ADH1A: variants seen among roughly 807,000 people sequenced by gnomAD.
The protein encoded by ADH1A is alcohol dehydrogenase 1A (class I), alpha polypeptide.
In ADH1A, 29 loss-of-function variants were observed where a neutral mutation model predicts 35.2. The ratio of observed to expected loss-of-function variants is 0.82; its 90% CI spans 0.61 to 1.12. ADH1A has a LOEUF of 1.12. Ranked by LOEUF, ADH1A falls within the 50% of genes most tolerant of loss-of-function variation. The pLI is 0.00. For missense variants in ADH1A, 469 were observed against 464.7 expected, an observed-to-expected ratio of 1.01 and a Z score of -0.09; for synonymous variants, 147 against 164.8, an observed-to-expected ratio of 0.89 and a Z score of 0.83.
In ADH1A at chr4:99,287,635, C is replaced by G; in HGVS notation, c.49G>C (p.Glu17Gln). 6.2e-7 allele frequency: 1 copy of G among 1,613,934 alleles called. No homozygotes were observed. The highest frequency in any genetic ancestry group is 8.5e-7 in the Non-Finnish European group (1 of 1,179,902). The change falls in exon 2 of 9, where the codon GAG becomes CAG. Residue 17 changes from glutamate (E) to glutamine (Q), a missense_variant. By Grantham distance (29) the Glu-to-Gln change is conservative. Coordinates refer to ENST00000209668, the MANE Select transcript of ADH1A (RefSeq NM_000667.4). Reference sequence around the variant, plus strand: ...TCAATGGAAAAGGGTTTCTTTAACTCCCATAGCACAGCTGCTTTGCATTTG... The same window carrying G: ...TCAATGGAAAAGGGTTTCTTTAACTGCCATAGCACAGCTGCTTTGCATTTG... ...VIKCKAAVLW[E>Q]LKKPFSIEEV...
chr4:99,285,236 G>C (rs1353030731), intron 3 of ADH1A, among the ~76,000 whole-genome samples: 3 of 152,104 alleles, frequency 2.0e-5, no homozygotes, highest in African/African-American at 7.2e-5. Flanking sequence ...GTTATAGTTT[G>C]ATTTACAATA....
At position 99,276,613 on chromosome 4, in the gene ADH1A, T is replaced by G. The variant is rs1177254817; in HGVS notation, c.*11A>C. 1.2e-6 allele frequency: 2 copies of G among 1,610,756 alleles called. No homozygotes were observed. The highest frequency in any genetic ancestry group is 3.3e-5 in the Admixed American group (2 of 59,986). ...CTGAAGACTGCCACAAGGGAAAACATCTGTATTGTCTCAAAACATCAGAAT... is the reference window on the plus strand; with the variant it reads ...CTGAAGACTGCCACAAGGGAAAACAGCTGTATTGTCTCAAAACATCAGAAT... On this transcript the variant is annotated 3_prime_UTR_variant, in exon 9 of 9. Coordinates refer to ENST00000209668, the MANE Select transcript of ADH1A (RefSeq NM_000667.4).
intron 5 of ADH1A, among the ~76,000 whole-genome samples, chr4:99,283,916 C>T (rs1733068205): frequency 6.6e-6 from 1 of 152,092 alleles, no homozygotes; most frequent in Admixed American, 6.6e-5. Flanking sequence ...AGTGGGTGAG[C>T]CTTGGTTTGG....
At chr4:99,285,184 G>A (rs1278200223) in intron 3 of ADH1A, among the ~76,000 whole-genome samples, 1 of 152,138 alleles carries the variant, frequency 6.6e-6, no homozygotes, top group Non-Finnish European at 1.5e-5. Flanking sequence ...GTTGAAAGTA[G>A]GGTATAATAG....
chr4:99,282,252 A>T (rs756620134), intron 6 of ADH1A, 94 bp downstream of exon 6: 19 of 1,611,124 alleles, frequency 1.2e-5, no homozygotes, highest in Non-Finnish European at 1.5e-5. Flanking sequence ...TCATCATTAA[A>T]AATATCCTTT....
At chr4:99,282,059 C>T (rs1733018864) in intron 6 of ADH1A, 1 of 474,370 alleles carries the variant, frequency 2.1e-6, no homozygotes. Flanking sequence ...CTTTAACTTA[C>T]AGTTTTTAAC....
chr4:99,283,339 AAGATGC>A (rs1313411013), intron 5 of ADH1A, among the ~76,000 whole-genome samples: 1 of 152,196 alleles, frequency 6.6e-6, no homozygotes, highest in African/African-American at 2.4e-5. Context: ...AAATTTGGAA[AAGATGC>A]CATCTACATT....
chr4:99,276,796 A>G (rs1732878946), intron 8 of ADH1A, 148 bp from the exon 9 acceptor site: 1 of 716,384 alleles, frequency 1.4e-6, no homozygotes, highest in East Asian at 2.8e-5. Flanking sequence ...AGTGAAGTCA[A>G]AGGAAAGCTC....
chr4:99,282,145 G>T, intron 6 of ADH1A: 1 of 964,580 alleles, frequency 1.0e-6, no homozygotes, highest in Non-Finnish European at 1.5e-6. Context: ...GAGGAAATAT[G>T]ACTTGAGACA....
chr4:99,282,768 GTGGTTCTCAAACTGCTGCATAT>G (rs1331815218), intron 5 of ADH1A, among the ~76,000 whole-genome samples, 162 bp from the exon 6 acceptor site: 2 of 152,166 alleles, frequency 1.3e-5, no homozygotes, highest in Non-Finnish European at 2.9e-5. Context: ...AACTAGTTGA[GTGGTTCTCAAACTGCTGCATAT>G]TGGATTCATC....
intron 8 of ADH1A, among the ~76,000 whole-genome samples, chr4:99,278,004 A>C (rs1027871568): frequency 4.6e-5 from 7 of 152,122 alleles, no homozygotes; most frequent in African/African-American, 1.7e-4. Flanking sequence ...TACTACTGAA[A>C]GTACATGAAA....
intron 1 of ADH1A, 139 bp from the exon 2 acceptor site, chr4:99,287,804 G>A: frequency 1.3e-6 from 1 of 788,568 alleles, no homozygotes; most frequent in Non-Finnish European, 1.9e-6. Flanking sequence ...GATCACCTCT[G>A]ATTTATAAAG....
Position 99,284,532 on chromosome 4 carries a change from C to T in ADH1A, c.434G>A (p.Ser145Asn). 6.2e-7 allele frequency: 1 copy of T among 1,614,202 alleles called. No individual in the cohort carries two copies. Among genetic ancestry groups the T allele is most frequent in the Non-Finnish European group, 8.5e-7 (1 of 1,180,042 alleles). The stretch of plus-strand genomic sequence containing the variant: ...CACCACTGTGTACTGTGAGAAGGTG[C>T]TGATGCCAAGGAAGTGGTGGATGGG... ...RKPIHHFLGISTFSQYTVVDE... is the reference protein window; with the variant it reads ...RKPIHHFLGINTFSQYTVVDE... Residue 145 changes from serine (S) to asparagine (N), a missense_variant, in exon 5 of 9, where the codon AGC becomes AAC. Coordinates refer to ENST00000209668, the MANE Select transcript of ADH1A (RefSeq NM_000667.4).
intron 3 of ADH1A, 164 bp downstream of exon 3, chr4:99,286,686 G>C: frequency 8.3e-7 from 1 of 1,201,196 alleles, no homozygotes; most frequent in Non-Finnish European, 1.2e-6. Context: ...AGACATACAT[G>C]CTTGAGTCAG....
At chr4:99,282,169 G>T in intron 6 of ADH1A, 177 bp downstream of exon 6, 1 of 1,238,000 alleles carries the variant, frequency 8.1e-7, no homozygotes, top group Non-Finnish European at 1.1e-6. Context: ...TTGCATAGTT[G>T]ATAGAATAAA....
At chr4:99,288,633 ATTAT>A (rs1733216108) in intron 1 of ADH1A, 1 of 152,154 alleles carries the variant, frequency 6.6e-6, no homozygotes, top group Non-Finnish European at 1.5e-5. Context: ...ATTCGTTGTC[ATTAT>A]TTATTTGTCA....
chr4:99,290,302 TTGCC>T (rs1733261634), intron 1 of ADH1A, among the ~76,000 whole-genome samples: 1 of 152,178 alleles, frequency 6.6e-6, no homozygotes, highest in Non-Finnish European at 1.5e-5. Context: ...ACTCTGGAAA[TTGCC>T]TGAATTGTGT....
intron 3 of ADH1A, among the ~76,000 whole-genome samples, chr4:99,286,020 T>TTAAAA (rs1733143244): frequency 3.2e-5 from 1 of 31,396 alleles, no homozygotes; most frequent in Non-Finnish European, 6.5e-5. Flanking sequence ...AGACTCCGTC[T>TTAAAA]CAAAAAAAAA....
At chr4:99,278,414 G>T (rs1188921941) in intron 8 of ADH1A, 1 of 152,064 alleles carries the variant, frequency 6.6e-6, no homozygotes, top group Non-Finnish European at 1.5e-5. Flanking sequence ...TTTTGACCAA[G>T]TCATGCCTTC....
Sources: allele counts gnomAD v4.1 joint callset (sites outside exome capture counted in the v4.1 genomes callset), GRCh38; gene constraint gnomAD v4.1.1; transcripts MANE v1.5; gene names NCBI Gene and HGNC (gene_info 2026-07-23, HGNC 2026-07-21).